SAXO2: variants seen among roughly 807,000 people sequenced by gnomAD.
SAXO2 encodes family with sequence similarity 154, member B.
A neutral mutation model predicts 18.7 loss-of-function variants in SAXO2; 17 were observed. That is an observed-to-expected ratio of 0.91 (90% confidence interval 0.62 to 1.36). The LOEUF (loss-of-function observed/expected upper bound fraction) is 1.36. Ranked by LOEUF, SAXO2 falls within the 40% of genes most tolerant of loss-of-function variation. The pLI is 0.00. For missense variants in SAXO2, 486 were observed against 562.6 expected (o/e 0.86, Z 1.38); for synonymous variants, 163 against 181.2 (o/e 0.90, Z 0.81).
intron 3 of SAXO2, among the ~76,000 whole-genome samples, chr15:82,272,711 T>G (rs2075283693): frequency 6.6e-6 from 1 of 151,618 alleles, no homozygotes; most frequent in Admixed American, 6.6e-5. Flanking sequence ...CCAGCTAATT[T>G]TTTGTATTTT....
At chr15:82,271,543 A>G in intron 2 of SAXO2, 60 bp from the exon 3 acceptor site, 1 of 1,375,754 alleles carries the variant, frequency 7.3e-7, no homozygotes, top group South Asian at 1.5e-5. Context: ...TCCATACTTC[A>G]TTGAAATAAT....
intron 3 of SAXO2, among the ~76,000 whole-genome samples, chr15:82,275,020 C>G (rs2075302467): frequency 6.6e-6 from 1 of 151,386 alleles, no homozygotes; most frequent in Non-Finnish European, 1.5e-5. Context: ...ATTGATAGAC[C>G]ACTAGCTAGA....
intron 2 of SAXO2, among the ~76,000 whole-genome samples, chr15:82,268,703 A>T (rs572294581): frequency 1.3e-5 from 2 of 152,332 alleles, no homozygotes. Flanking sequence ...GATCCTTTAT[A>T]GCAGTACAGT....
Position 82,282,912 on chromosome 15 carries a change from T to C in SAXO2, c.1227T>C (p.Asp409=). ...TTAAGAGTTCTGTTCCATTTGATGATGTAACCATGTACTCTGTAGAGTACA... is the reference window on the plus strand; with the variant it reads ...TTAAGAGTTCTGTTCCATTTGATGACGTAACCATGTACTCTGTAGAGTACA... ...IAFKSSVPFD[D]VTMYSVEYTP... Residue 409 remains aspartate, a synonymous_variant, in exon 4 of 4, where the codon GAT becomes GAC. Transcript: ENST00000682753. 1 of 1,614,132 alleles carries C rather than the reference T, an allele frequency of 6.2e-7. No homozygotes were observed. Among genetic ancestry groups the C allele is most frequent in the Non-Finnish European group, 8.5e-7 (1 of 1,180,014 alleles).
intron 2 of SAXO2, among the ~76,000 whole-genome samples, chr15:82,270,717 A>C (rs1287626397): frequency 6.6e-6 from 1 of 152,234 alleles, no homozygotes; most frequent in Non-Finnish European, 1.5e-5. Context: ...TGGCTACCAT[A>C]TTGATCTTAC....
In SAXO2 at chr15:82,263,154, A is replaced by T; in HGVS notation, c.53+222A>T. On this transcript the variant is annotated intron_variant, in intron 1 of 3. Coordinates refer to ENST00000682753, the MANE Select transcript of SAXO2 (RefSeq NM_001348699.2). ...TTGTTCGTAGCCCCTGAGACTCCCAATCAAGGATGCAAAGTAAAATGCCAC... is the reference window on the plus strand; with the variant it reads ...TTGTTCGTAGCCCCTGAGACTCCCATTCAAGGATGCAAAGTAAAATGCCAC... The T allele has an allele frequency of 2.7e-6, 4 of 1,456,048 alleles. No individual in the cohort carries two copies. In the South Asian group the frequency reaches 4.3e-5, roughly 16 times the overall value. 90.2% of individuals were successfully genotyped at this position (1,456,048 alleles called of 1,614,324 possible). A position where few individuals can be genotyped will look rare whatever the true frequency, so the allele number is the denominator to read the frequency against.
At chr15:82,266,792 GA>G (rs1414383971) in intron 2 of SAXO2, among the ~76,000 whole-genome samples, 1 of 152,186 alleles carries the variant, frequency 6.6e-6, no homozygotes, top group Non-Finnish European at 1.5e-5. Flanking sequence ...AGTGTTTCAT[GA>G]AAGCAGGAAC....
Position 82,282,278 on chromosome 15 carries a change from T to C in SAXO2, c.593T>C (p.Val198Ala), listed in dbSNP as rs771983828. 1 of 1,614,194 alleles carries C rather than the reference T, an allele frequency of 6.2e-7. No individual in the cohort carries two copies. The highest frequency in any genetic ancestry group is 2.2e-5 in the East Asian group (1 of 44,888). Residue 198 changes from valine to alanine, a missense_variant, in exon 4 of 4, where the codon GTC (valine) becomes GCC (alanine). Transcript: ENST00000682753. The part of the protein sequence containing the change: ...PRQSFKPSSV[V>A]KRSTAPFNGI... ...CAAAGCTTTAAACCCTCCTCTGTGG[T>C]CAAACGTTCTACAGCCCCTTTTAAT...
chr15:82,280,559 G>A (rs1026813886), intron 3 of SAXO2, among the ~76,000 whole-genome samples: 15 of 152,106 alleles, frequency 9.9e-5, no homozygotes, highest in Admixed American at 2.0e-4. Flanking sequence ...AGGTGCCCAG[G>A]GAGCTTGAAG....
At chr15:82,263,914 A>G (rs2075172692) in intron 1 of SAXO2, among the ~76,000 whole-genome samples, 1 of 152,054 alleles carries the variant, frequency 6.6e-6, no homozygotes, top group Non-Finnish European at 1.5e-5. Flanking sequence ...TTGTCTTTTT[A>G]AGGGTTTATT....
Position 82,271,565 on chromosome 15 carries a change from G to A in SAXO2, c.234-38G>A, listed in dbSNP as rs190595023. On this transcript the variant is annotated intron_variant, in intron 2 of 3. Coordinates refer to ENST00000682753, the MANE Select transcript of SAXO2 (RefSeq NM_001348699.2). ...TTCATTGAAATAATTAGGAATAAAA[G>A]AACTTGTGAGGCTATGTTTCAAATT... is the stretch of plus-strand genomic sequence containing the variant. The A allele has an allele frequency of 9.8e-5, 146 of 1,496,844 alleles. No homozygotes were observed. In the African/African-American group the frequency reaches 1.9e-3, roughly 19 times the overall value. 92.7% of individuals were successfully genotyped at this position (1,496,844 alleles called of 1,614,324 possible).
In SAXO2 at chr15:82,262,949, G is replaced by A. The variant is rs996485270; in HGVS notation, c.53+17G>A. ...TAGCTGCGGGTAAGAAACGGCTGGT[G>A]TAGCGGCGGGCCCGGGCTTGGGAGC... On this transcript the variant is annotated intron_variant, in intron 1 of 3. Coordinates refer to ENST00000682753, the MANE Select transcript of SAXO2 (RefSeq NM_001348699.2). The A allele has an allele frequency of 4.4e-6, 7 of 1,591,280 alleles. No individual in the cohort carries two copies. Among genetic ancestry groups the A allele is most frequent in the Non-Finnish European group, 6.0e-6 (7 of 1,169,330 alleles).
chr15:82,263,492 A>G, intron 1 of SAXO2: 1 of 700,156 alleles, frequency 1.4e-6, no homozygotes, highest in Non-Finnish European at 2.6e-6. Flanking sequence ...CTGCCTAACA[A>G]CCTTCCATCA....
chr15:82,268,291 AATTT>A (rs962960784), intron 2 of SAXO2, among the ~76,000 whole-genome samples: 1 of 152,228 alleles, frequency 6.6e-6, no homozygotes, highest in Admixed American at 6.5e-5. Context: ...AAATTGAGAA[AATTT>A]AACCTGCCAT....
At position 82,265,653 on chromosome 15, in the gene SAXO2, T is replaced by C. The variant is rs1248923075; in HGVS notation, c.138T>C (p.Tyr46=). 6 of 1,497,850 alleles carry C rather than the reference T, an allele frequency of 4.0e-6. No individual in the cohort carries two copies. In the Admixed American group the frequency reaches 8.9e-5, roughly 22 times the overall value. 92.8% of individuals were successfully genotyped at this position (1,497,850 alleles called of 1,614,324 possible). A position where few individuals can be genotyped will look rare whatever the true frequency, so the allele number is the denominator to read the frequency against. ...FCPTTEYLEK[Y]PMYDNVLPPQ... ...CTACAACTGAATATTTGGAAAAATA[T>C]CCTATGTATGACAATGTTCTTCCAC... The change falls in exon 2 of 4, where the codon TAT becomes TAC. Residue 46 remains tyrosine, a synonymous_variant. Transcript: ENST00000682753.
intron 3 of SAXO2, among the ~76,000 whole-genome samples, chr15:82,278,350 C>T (rs757354256): frequency 7.9e-5 from 12 of 152,178 alleles, no homozygotes; most frequent in Non-Finnish European, 1.6e-4. Context: ...ACAGAGAAAC[C>T]ACCACACACC....
chr15:82,274,963 A>C (rs987913850), intron 3 of SAXO2, among the ~76,000 whole-genome samples: 24 of 151,906 alleles, frequency 1.6e-4, no homozygotes, highest in Non-Finnish European at 3.5e-4. Flanking sequence ...CCTCAAAACC[A>C]TGCAAAGGAT....
chr15:82,271,641 G>A lies in SAXO2; in HGVS notation c.272G>A (p.Arg91His), dbSNP rs200792974. 2.1e-5 allele frequency: 34 copies of A among 1,613,504 alleles called. No homozygotes were observed. Among genetic ancestry groups the A allele is most frequent in the Non-Finnish European group, 2.4e-5 (28 of 1,179,742 alleles). Residue 91 changes from arginine (R) to histidine (H), a missense_variant, in exon 3 of 4, where the codon CGC becomes CAC. Transcript: ENST00000682753. ...CCTTATGAAATAGTTAAACAGCCTC[G>A]CCATGTGCCAGAAGAATATAAACCA... Reference protein sequence around the residue: ...YCPYEIVKQPRHVPEEYKPKQ... With the variant: ...YCPYEIVKQPHHVPEEYKPKQ...
At position 82,262,831 on chromosome 15, in the gene SAXO2, G is replaced by C; in HGVS notation, c.-49G>C. Reference sequence around the variant, plus strand: ...CTCTGTTGCCTTGACTACGGCGGGCGCTGTGGGAGTGGAGAAGCTGCAAGT... The same window carrying C: ...CTCTGTTGCCTTGACTACGGCGGGCCCTGTGGGAGTGGAGAAGCTGCAAGT... On this transcript the variant is annotated 5_prime_UTR_variant, in exon 1 of 4. Transcript: ENST00000682753. The C allele has an allele frequency of 6.5e-7, 1 of 1,548,264 alleles. No individual in the cohort carries two copies. Among genetic ancestry groups the C allele is most frequent in the Non-Finnish European group, 8.7e-7 (1 of 1,145,648 alleles).
Sources: allele counts gnomAD v4.1 joint callset (sites outside exome capture counted in the v4.1 genomes callset), GRCh38; gene constraint gnomAD v4.1.1; transcripts MANE v1.5; gene names NCBI Gene and HGNC (gene_info 2026-07-23, HGNC 2026-07-21).